Variants in MYH15 observed in about 807,000 individuals in gnomAD.
MYH15 encodes the protein myosin heavy chain 15.
Under a neutral mutation model 240.5 loss-of-function variants are expected in MYH15, and 227 were observed. The ratio of observed to expected loss-of-function variants is 0.94; its 90% CI spans 0.85 to 1.05. The LOEUF is 1.05. Among genes scored for constraint, MYH15 ranks in the 50% least tolerant of loss-of-function variants. The pLI, the probability that MYH15 is intolerant of heterozygous loss-of-function variation, is 0.00. For missense variants in MYH15, 2,217 were observed against 2,247.5 expected, an observed-to-expected ratio of 0.99 and a Z score of 0.27; for synonymous variants, 785 against 796.7, an observed-to-expected ratio of 0.99 and a Z score of 0.25.
chr3:108,430,350 G>T (rs2082768686), intron 26 of MYH15, among the ~76,000 whole-genome samples: 2 of 152,120 alleles, frequency 1.3e-5, no homozygotes, highest in Admixed American at 1.3e-4. Flanking sequence ...CTTATAAATA[G>T]CTATCCATTA....
At chr3:108,547,676 C>T in the MYH15 span, among the ~76,000 whole-genome samples, 3 of 152,036 alleles carry the variant, frequency 2.0e-5, no homozygotes, top group Non-Finnish European at 2.9e-5. Flanking sequence ...ATTTTAATTT[C>T]GTGAATGATA....
chr3:108,468,484 G>A (rs961756346), intron 14 of MYH15, among the ~76,000 whole-genome samples: 12 of 152,152 alleles, frequency 7.9e-5, no homozygotes, highest in African/African-American at 2.9e-4. Context: ...TAGCCCCAAC[G>A]AACATAATGG....
At chr3:108,536,892 A>C in the MYH15 span, among the ~76,000 whole-genome samples, 1 of 152,206 alleles carries the variant, frequency 6.6e-6, no homozygotes, top group Admixed American at 6.5e-5. Flanking sequence ...TCCTGGTGAC[A>C]AGGTTACTGT....
At chr3:108,436,016 A>G (rs953736228) in intron 25 of MYH15, among the ~76,000 whole-genome samples, 4 of 152,134 alleles carry the variant, frequency 2.6e-5, no homozygotes, top group Non-Finnish European at 5.9e-5. Context: ...TATAAATTGT[A>G]TGAGGTAGCA....
chr3:108,528,476 G>A (rs150142810), intron 1 of MYH15, among the ~76,000 whole-genome samples: 52 of 152,184 alleles, frequency 3.4e-4, no homozygotes, highest in African/African-American at 1.2e-3. Context: ...ATGATGGTTG[G>A]GTTTTTCTGC....
At chr3:108,460,550 T>G (rs2083063536) in intron 16 of MYH15, among the ~76,000 whole-genome samples, 183 bp from the exon 17 acceptor site, 1 of 152,172 alleles carries the variant, frequency 6.6e-6, no homozygotes, top group Non-Finnish European at 1.5e-5. Context: ...GTGTTTTTCC[T>G]TAAGGATATA....
At chr3:108,417,824 CACAT>C (rs747383957) in intron 28 of MYH15, among the ~76,000 whole-genome samples, 57 of 146,932 alleles carry the variant, frequency 3.9e-4, no homozygotes, top group Non-Finnish European at 6.0e-4. Flanking sequence ...CACACACACA[CACAT>C]ATACACACTT....
At position 108,439,868 on chromosome 3, in the gene MYH15, T is replaced by C; in HGVS notation, c.2944A>G (p.Ser982Gly). 13 of 1,610,890 alleles carry C rather than the reference T, an allele frequency of 8.1e-6. No individual in the cohort carries two copies. The highest frequency in any genetic ancestry group is 1.1e-5 in the Non-Finnish European group (13 of 1,178,856). The stretch of plus-strand genomic sequence containing the variant: ...ACCTTGGCTGCTCTGTTAAGTTTGC[T>C]GATATCCTCATTTAGAAACTCTACT... Reference protein sequence around the residue: ...EEVEFLNEDISKLNRAAKVVQ... With the variant: ...EEVEFLNEDIGKLNRAAKVVQ... The change falls in exon 24 of 41, where the codon AGC becomes GGC. Residue 982 changes from serine to glycine, a missense_variant. Transcript: ENST00000693548.
At chr3:108,473,996 T>C (rs1223035808) in intron 12 of MYH15, among the ~76,000 whole-genome samples, 4 of 152,208 alleles carry the variant, frequency 2.6e-5, no homozygotes, top group African/African-American at 4.8e-5. Flanking sequence ...CCAATTACCA[T>C]TGAGAAATAC....
At chr3:108,419,210 G>A (rs1214488443) in intron 28 of MYH15, among the ~76,000 whole-genome samples, 1 of 152,094 alleles carries the variant, frequency 6.6e-6, no homozygotes, top group Admixed American at 6.5e-5. Context: ...TTTGGTGATA[G>A]CCACCAACAA....
upstream of MYH15, among the ~76,000 whole-genome samples, chr3:108,529,836 C>T (rs1400193236): frequency 6.6e-6 from 1 of 152,162 alleles, no homozygotes; most frequent in Non-Finnish European, 1.5e-5. Context: ...CCAGCAACCT[C>T]TTTGAGTTAA....
intron 28 of MYH15, among the ~76,000 whole-genome samples, chr3:108,418,896 G>A (rs58746012): frequency 0.15 from 22,712 of 152,052 alleles, 1,862 homozygotes; most frequent in South Asian, 0.25. Flanking sequence ...GACTACAGAT[G>A]CCTGCCACCA....
At position 108,401,547 on chromosome 3, in the gene MYH15, A is replaced by G. The variant is rs574295843; in HGVS notation, c.4737-2280T>C. Among the ~76,000 whole-genome samples, 30 of 152,318 alleles carry G rather than the reference A, an allele frequency of 2.0e-4. No individual in the cohort carries two copies. In the South Asian group the frequency reaches 6.0e-3, roughly 30 times the overall value. Reference sequence around the variant, plus strand: ...AACCAATACAGGGATGCTCACACTCACATCACCAAAATCTGTCAGACACTT... The same window carrying G: ...AACCAATACAGGGATGCTCACACTCGCATCACCAAAATCTGTCAGACACTT... On this transcript the variant is annotated intron_variant, in intron 33 of 40. Coordinates refer to ENST00000693548, the MANE Select transcript of MYH15 (RefSeq NM_014981.3).
intron 1 of MYH15, among the ~76,000 whole-genome samples, chr3:108,525,738 C>A (rs975325825): frequency 6.6e-6 from 1 of 151,908 alleles, no homozygotes; most frequent in Non-Finnish European, 1.5e-5. Flanking sequence ...ATAATGATGG[C>A]GGCAAAGCAG....
chr3:108,519,091 A>G (rs1002706338), intron 1 of MYH15, among the ~76,000 whole-genome samples: 1 of 152,174 alleles, frequency 6.6e-6, no homozygotes, highest in Non-Finnish European at 1.5e-5. Context: ...GCTGAGCTCC[A>G]GCCAGCAAGG....
At chr3:108,429,514 T>C (rs1177646025) in intron 26 of MYH15, among the ~76,000 whole-genome samples, 1 of 151,972 alleles carries the variant, frequency 6.6e-6, no homozygotes, top group African/African-American at 2.4e-5. Flanking sequence ...GGCAGGATTA[T>C]TGGAAAAAAA....
chr3:108,396,627 T>C (rs1282620922), intron 35 of MYH15, among the ~76,000 whole-genome samples: 1 of 152,158 alleles, frequency 6.6e-6, no homozygotes, highest in Non-Finnish European at 1.5e-5. Flanking sequence ...GAGTTACTTT[T>C]TTAAAAAAAG....
chr3:108,537,839 AAAT>A, the MYH15 span, among the ~76,000 whole-genome samples: 2 of 152,204 alleles, frequency 1.3e-5, no homozygotes, highest in Non-Finnish European at 2.9e-5. Flanking sequence ...AATGGGAAGA[AAAT>A]AATACATAGC....
chr3:108,405,855 A>G (rs1014024261), intron 32 of MYH15, among the ~76,000 whole-genome samples: 3 of 152,226 alleles, frequency 2.0e-5, no homozygotes, highest in Non-Finnish European at 4.4e-5. Flanking sequence ...GGAATCTTCT[A>G]TTAAATTCTG....
Sources: allele counts gnomAD v4.1 joint callset (sites outside exome capture counted in the v4.1 genomes callset), GRCh38; gene constraint gnomAD v4.1.1; transcripts MANE v1.5; gene names NCBI Gene and HGNC (gene_info 2026-07-23, HGNC 2026-07-21).